Variants in TBC1D5 observed in about 807,000 individuals in gnomAD.
TBC1D5 encodes the protein TBC1 domain family member 5.
TBC1D5 carries 75 observed loss-of-function variants against 100.3 expected under a neutral mutation model. The observed-to-expected ratio is 0.75, with a 90% CI of 0.62 to 0.91. The LOEUF is 0.91. TBC1D5 is among the 40% of genes least tolerant of loss of function. The probability of loss-of-function intolerance (pLI) is 0.00; values close to 1 mark genes in which losing one functional copy is unlikely to be tolerated. For missense variants in TBC1D5, 910 were observed against 942.4 expected (o/e 0.97, Z 0.45); for synonymous variants, 323 against 325.6 (o/e 0.99, Z 0.09).
intron 1 of TBC1D5, among the ~76,000 whole-genome samples, chr3:17,720,401 A>G (rs1332149302): frequency 6.6e-6 from 1 of 152,250 alleles, no homozygotes; most frequent in East Asian, 1.9e-4. Context: ...CAATCAGCTA[A>G]TACATTCTAC....
chr3:17,495,032 C>A (rs566000306), intron 3 of TBC1D5, among the ~76,000 whole-genome samples: 1 of 152,230 alleles, frequency 6.6e-6, no homozygotes. Context: ...TTGCCCCGTG[C>A]GGCTCCCGGG....
intron 19 of TBC1D5, chr3:17,184,785 T>A (rs2068826265): frequency 6.2e-6 from 1 of 160,416 alleles, no homozygotes; most frequent in Non-Finnish European, 1.4e-5. Context: ...GCCTCAAATC[T>A]TCCCACCTTG....
chr3:17,290,662 G>GT (rs1269267518), intron 15 of TBC1D5, among the ~76,000 whole-genome samples: 3 of 152,024 alleles, frequency 2.0e-5, no homozygotes, highest in Non-Finnish European at 4.4e-5. Flanking sequence ...ATCTTGTGGG[G>GT]TTTTTTTGGG....
exon 8 of TBC1D5, chr3:17,403,233 A>C: frequency 6.3e-7 from 1 of 1,589,970 alleles, no homozygotes; most frequent in East Asian, 2.3e-5. Flanking sequence ...TCTTGGAAGA[A>C]TTTGTTCCAA....
chr3:17,449,431 G>A (rs1440922144), intron 3 of TBC1D5, among the ~76,000 whole-genome samples: 2 of 152,134 alleles, frequency 1.3e-5, no homozygotes, highest in Non-Finnish European at 2.9e-5. Context: ...GAGCCAACTG[G>A]TTTTGCTCAG....
intron 15 of TBC1D5, among the ~76,000 whole-genome samples, chr3:17,275,049 A>T (rs1467422087): frequency 1.3e-5 from 2 of 152,212 alleles, no homozygotes; most frequent in African/African-American, 4.8e-5. Flanking sequence ...GCAACCATGG[A>T]GTAAAAAGAT....
intron 1 of TBC1D5, among the ~76,000 whole-genome samples, chr3:17,649,532 ATATGAAAAAG>A (rs1360431989): frequency 4.6e-5 from 7 of 152,224 alleles, no homozygotes; most frequent in Non-Finnish European, 8.8e-5. Context: ...GCGAACAAAC[ATATGAAAAAG>A]TGCTCATTAT....
chr3:17,536,521 A>G (rs2096283145), intron 2 of TBC1D5, among the ~76,000 whole-genome samples: 1 of 152,192 alleles, frequency 6.6e-6, no homozygotes, highest in African/African-American at 2.4e-5. Flanking sequence ...ATCTCTTGTT[A>G]ACAAAAAAAC....
chr3:17,688,200 T>C (rs12634893), intron 1 of TBC1D5, among the ~76,000 whole-genome samples: 75,924 of 151,820 alleles, frequency 0.5, 20,517 homozygotes, highest in East Asian at 0.94. Context: ...CCATTTCATA[T>C]CAATATACAT....
At chr3:17,312,622 A>G (rs2084168535) in intron 13 of TBC1D5, among the ~76,000 whole-genome samples, 1 of 152,150 alleles carries the variant, frequency 6.6e-6, no homozygotes, top group Non-Finnish European at 1.5e-5. Context: ...TTAAAAGTCT[A>G]TTTTTGACTT....
Position 17,239,589 on chromosome 3 carries a change from C to T in TBC1D5, c.1332-1170G>A, listed in dbSNP as rs146715803. Among the ~76,000 whole-genome samples the T allele has an allele frequency of 2.6e-5, 4 of 152,310 alleles. No individual in the cohort carries two copies. In the East Asian group the frequency reaches 5.8e-4, roughly 22 times the overall value. ...TTGCCATTGCCCTAAAGCTATTCCT[C>T]AAGGTCACCAATGACTTCACATTGC... On this transcript the variant is annotated intron_variant, in intron 16 of 21. Coordinates refer to ENST00000253692, the Ensembl canonical transcript of TBC1D5.
intron 3 of TBC1D5, among the ~76,000 whole-genome samples, chr3:17,435,656 G>T (rs1444737482): frequency 2.0e-5 from 3 of 152,180 alleles, no homozygotes. Context: ...TACAATTCAA[G>T]GTGAGATTTG....
chr3:17,469,544 CAAAGTTATTGAAACTTTTT>C (rs777050820), intron 3 of TBC1D5, among the ~76,000 whole-genome samples: 2 of 151,234 alleles, frequency 1.3e-5, no homozygotes, highest in African/African-American at 2.4e-5. Flanking sequence ...TTAAGATTTA[CAAAGTTATTGAAACTTTTT>C]AACAAGTAAA....
intron 1 of TBC1D5, among the ~76,000 whole-genome samples, chr3:17,698,167 G>A (rs1448680156): frequency 2.6e-5 from 4 of 151,934 alleles, no homozygotes; most frequent in South Asian, 2.1e-4. Flanking sequence ...AGTAACCAAA[G>A]AAGCATGGTA....
chr3:17,538,136 G>A lies in TBC1D5; in HGVS notation c.-35-29531C>T, dbSNP rs568457884. 1.1e-4 allele frequency among the ~76,000 whole-genome samples: 16 copies of A among 152,160 alleles called. No homozygotes were observed. In the East Asian group the frequency reaches 2.3e-3, roughly 22 times the overall value. Reference sequence around the variant, plus strand: ...ACAGGGCAGGAGAGCACCCAAACACGCACACCCCCACCCCCTGTTGCCCCC... The same window carrying A: ...ACAGGGCAGGAGAGCACCCAAACACACACACCCCCACCCCCTGTTGCCCCC... On this transcript the variant is annotated intron_variant, in intron 2 of 21. Transcript: ENST00000253692.
At chr3:17,705,907 TG>T (rs2074078421) in intron 1 of TBC1D5, among the ~76,000 whole-genome samples, 1 of 151,476 alleles carries the variant, frequency 6.6e-6, no homozygotes, top group South Asian at 2.1e-4. Flanking sequence ...GTCTGCTCCT[TG>T]CCCTCGGGCC....
At chr3:17,465,961 T>C (rs1416176760) in intron 3 of TBC1D5, among the ~76,000 whole-genome samples, 2 of 152,320 alleles carry the variant, frequency 1.3e-5, no homozygotes, top group Admixed American at 6.5e-5. Context: ...CAATAGGACA[T>C]GATATTATTT....
At chr3:17,468,585 C>T (rs1468517190) in intron 3 of TBC1D5, among the ~76,000 whole-genome samples, 2 of 152,024 alleles carry the variant, frequency 1.3e-5, no homozygotes, top group African/African-American at 4.8e-5. Flanking sequence ...AATGCAAGCT[C>T]CATGAAGGCA....
upstream of TBC1D5, among the ~76,000 whole-genome samples, chr3:17,741,119 C>T (rs1049091487): frequency 6.6e-6 from 1 of 152,190 alleles, no homozygotes; most frequent in African/African-American, 2.4e-5. Flanking sequence ...TATCCACTTC[C>T]TTGCTACTCA....
Sources: allele counts gnomAD v4.1 joint callset (sites outside exome capture counted in the v4.1 genomes callset), GRCh38; gene constraint gnomAD v4.1.1; transcripts MANE v1.5; gene names NCBI Gene and HGNC (gene_info 2026-07-23, HGNC 2026-07-21).